Variants in PHEX observed in about 807,000 individuals in gnomAD.
The protein encoded by PHEX is phosphate-regulating neutral endopeptidase PHEX.
A neutral mutation model predicts 68.0 loss-of-function variants in PHEX; 16 were observed. That is an observed-to-expected ratio of 0.24 (90% CI 0.16 to 0.36). PHEX has a LOEUF of 0.36. PHEX is among the 10% of genes least tolerant of loss of function. The pLI is 1.00. For synonymous variants in PHEX, 208 were observed against 205.1 expected (o/e 1.01, Z -0.12); for missense variants, 480 against 575.5 (o/e 0.83, Z 1.70).
intron 15 of PHEX, among the ~76,000 whole-genome samples, chrX:22,209,788 T>TCTCTCTCC (rs1934851071): frequency 1.1e-5 from 1 of 88,038 alleles, no homozygotes; most frequent in African/African-American, 4.6e-5. Flanking sequence ...CTCCTCCCTC[T>TCTCTCTCC]CTCTCTCCCT....
chrX:22,072,851 G>A (rs930546943), intron 3 of PHEX, among the ~76,000 whole-genome samples: 2 of 111,843 alleles, frequency 1.8e-5, no homozygotes, highest in African/African-American at 6.5e-5. Flanking sequence ...GTACTTTTCT[G>A]TATGTTGTAT....
At chrX:22,149,668 C>T (rs187480685) in intron 12 of PHEX, among the ~76,000 whole-genome samples, 1,819 of 112,428 alleles carry the variant, frequency 0.016, 40 homozygotes, top group African/African-American at 0.056. Context: ...GCAGGAGAAT[C>T]GCTTGAACCT....
At chrX:22,226,694 C>A (rs1935519089) in intron 19 of PHEX, among the ~76,000 whole-genome samples, 186 bp downstream of exon 19, 1 of 111,432 alleles carries the variant, frequency 9.0e-6, no homozygotes, top group Admixed American at 9.5e-5. Context: ...TTTCTTTTTT[C>A]TTTTTGGGGT....
At chrX:22,141,404 T>TA (rs1311258866) in intron 12 of PHEX, among the ~76,000 whole-genome samples, 3 of 112,103 alleles carry the variant, frequency 2.7e-5, no homozygotes, top group Non-Finnish European at 3.8e-5. Context: ...TTGTCTTGCA[T>TA]ACAAATTATA....
At chrX:22,036,050 A>ATTTTT (rs1476296465) in intron 1 of PHEX, among the ~76,000 whole-genome samples, 2 of 57,516 alleles carry the variant, frequency 3.5e-5, no homozygotes, top group African/African-American at 1.5e-4. Flanking sequence ...ATATATATAT[A>ATTTTT]TATATTTTTT....
intron 14 of PHEX, among the ~76,000 whole-genome samples, chrX:22,185,180 T>G (rs1933990379): frequency 8.9e-6 from 1 of 112,141 alleles, no homozygotes; most frequent in African/African-American, 3.2e-5. Flanking sequence ...TCTCCTTACC[T>G]TATCCACCAA....
intron 2 of PHEX, among the ~76,000 whole-genome samples, chrX:22,041,995 G>C (rs1488763849): frequency 1.8e-5 from 2 of 111,343 alleles, no homozygotes; most frequent in African/African-American, 6.5e-5. Flanking sequence ...GGAGTGAAAG[G>C]CTCACCAAAG....
Position 22,094,050 on chromosome X carries a change from C to G in PHEX, c.800C>G (p.Ala267Gly). 1 of 1,199,920 alleles carries G rather than the reference C, an allele frequency of 8.3e-7. No homozygotes were observed. The highest frequency in any genetic ancestry group is 1.8e-5 in the South Asian group (1 of 56,639). ...CTTTTAGGAGCTAACAGTTCCAGAG[C>G]AGAGCATGACATGAAGTCAGTGCTC... The part of the protein sequence containing the change: ...AVLLGANSSR[A>G]EHDMKSVLRL... Residue 267 changes from alanine to glycine, a missense_variant, in exon 7 of 22, where the codon GCA becomes GGA. Physicochemically the swap from Ala to Gly is moderately conservative, Grantham distance 60 (BLOSUM62 0). Coordinates refer to ENST00000379374, the MANE Select transcript of PHEX (RefSeq NM_000444.6).
At chrX:22,064,934 C>A (rs772544223) in intron 3 of PHEX, among the ~76,000 whole-genome samples, 1 of 112,132 alleles carries the variant, frequency 8.9e-6, no homozygotes, top group Non-Finnish European at 1.9e-5. Context: ...ATAACCTACC[C>A]ATTAATACCA....
chrX:22,178,817 G>A (rs1933791936), intron 14 of PHEX, among the ~76,000 whole-genome samples: 1 of 111,800 alleles, frequency 8.9e-6, no homozygotes, highest in Admixed American at 9.5e-5. Flanking sequence ...TCAAAGAACT[G>A]ATAGCTATAT....
At chrX:22,164,022 T>A (rs1364488349) in intron 12 of PHEX, among the ~76,000 whole-genome samples, 1 of 111,613 alleles carries the variant, frequency 9.0e-6, no homozygotes, top group African/African-American at 3.3e-5. Flanking sequence ...CTCAGGAGAA[T>A]GCCTGGAAGT....
chrX:22,192,223 C>T lies in PHEX; in HGVS notation c.1645+1721C>T, dbSNP rs1934221355. 2.7e-5 allele frequency among the ~76,000 whole-genome samples: 3 copies of T among 111,263 alleles called. No individual in the cohort carries two copies. The South Asian group carries it at 1.1e-3, about 43-fold the overall frequency. ...TCTTTGCTCACTTGCTTGGTGATAA[C>T]ATCTAATCTCATGGTTTTAATCACA... On this transcript the variant is annotated intron_variant, in intron 15 of 21. Coordinates refer to ENST00000379374, the MANE Select transcript of PHEX (RefSeq NM_000444.6).
At chrX:22,075,827 G>A (rs1185240115) in intron 3 of PHEX, among the ~76,000 whole-genome samples, 2 of 111,722 alleles carry the variant, frequency 1.8e-5, no homozygotes, top group African/African-American at 3.3e-5. Flanking sequence ...CAGGCAATTC[G>A]GGTAGGTTTT....
intron 12 of PHEX, among the ~76,000 whole-genome samples, chrX:22,160,435 G>C (rs1239479473): frequency 2.7e-5 from 3 of 109,910 alleles, no homozygotes; most frequent in Non-Finnish European, 5.7e-5. Flanking sequence ...TGACATCCCA[G>C]CTACTTGGGA....
chrX:22,221,573 A>G (rs1350169784), intron 17 of PHEX, 40 bp from the exon 18 acceptor site: 4 of 1,149,571 alleles, frequency 3.5e-6, no homozygotes, highest in East Asian at 6.0e-5. Context: ...TTTAGTTTCC[A>G]TAAATAACAC....
intron 13 of PHEX, among the ~76,000 whole-genome samples, chrX:22,175,731 G>C (rs1933676240): frequency 9.0e-6 from 1 of 110,838 alleles, no homozygotes; most frequent in Non-Finnish European, 1.9e-5. Context: ...TTTTCAGATG[G>C]AACAGTAATG....
intron 12 of PHEX, among the ~76,000 whole-genome samples, chrX:22,148,446 T>C (rs1271836511): frequency 1.8e-5 from 2 of 112,062 alleles, no homozygotes; most frequent in Non-Finnish European, 3.8e-5. Flanking sequence ...TCAAACTACT[T>C]AACATATCCA....
At chrX:22,118,811 C>G (rs773454361) in intron 11 of PHEX, among the ~76,000 whole-genome samples, 10 of 111,679 alleles carry the variant, frequency 9.0e-5, no homozygotes, top group Non-Finnish European at 1.9e-4. Context: ...TTGGACACAC[C>G]GATACACCAA....
chrX:22,225,099 C>T (rs2147181137), intron 18 of PHEX, among the ~76,000 whole-genome samples: 1 of 82,587 alleles, frequency 1.2e-5, no homozygotes, highest in East Asian at 3.8e-4. Context: ...CCTTTTCTAG[C>T]TTTTAGAGGC....
Sources: allele counts gnomAD v4.1 joint callset (sites outside exome capture counted in the v4.1 genomes callset), GRCh38; gene constraint gnomAD v4.1.1; transcripts MANE v1.5; gene names NCBI Gene and HGNC (gene_info 2026-07-23, HGNC 2026-07-21).